Variants in AVEN observed in about 807,000 individuals in gnomAD.
AVEN encodes apoptosis and caspase activation inhibitor, also known as cell death regulator Aven.
A neutral mutation model predicts 38.1 loss-of-function variants in AVEN; 41 were observed. The ratio of observed to expected loss-of-function variants is 1.08; its 90% CI spans 0.84 to 1.40. AVEN has a LOEUF of 1.40. Among genes scored for constraint, AVEN ranks in the 40% most tolerant of loss-of-function variants. AVEN has a pLI of 0.00. For missense variants in AVEN, 605 were observed against 438.8 expected, an observed-to-expected ratio of 1.38 and a Z score of -3.38; for synonymous variants, 206 against 171.8, an observed-to-expected ratio of 1.20 and a Z score of -1.56.
chr15:34,058,001 G>C (rs1009399893), intron 5 of AVEN, among the ~76,000 whole-genome samples: 6 of 152,248 alleles, frequency 3.9e-5, no homozygotes, highest in African/African-American at 1.4e-4. Flanking sequence ...GATTGTAGGG[G>C]CTAGCAAATC....
chr15:33,932,241 G>C (rs545115890), intron 2 of AVEN, among the ~76,000 whole-genome samples: 3 of 152,234 alleles, frequency 2.0e-5, no homozygotes, highest in African/African-American at 7.2e-5. Context: ...TACCCAATTT[G>C]GCAAGTTCAG....
At chr15:33,860,575 C>T (rs751731168) in intron 11 of AVEN, 1 of 1,520,960 alleles carries the variant, frequency 6.6e-7, no homozygotes, top group Non-Finnish European at 9.0e-7. Context: ...ATTGCTTTGT[C>T]TTTGTATTTA....
intron 2 of AVEN, among the ~76,000 whole-genome samples, chr15:33,916,856 G>C (rs60733106): frequency 0.025 from 3,755 of 152,030 alleles, 122 homozygotes; most frequent in African/African-American, 0.079. Flanking sequence ...AGTTCCATAG[G>C]GTTGGGGAGG....
chr15:33,921,613 G>A (rs1893397530), intron 2 of AVEN, among the ~76,000 whole-genome samples: 1 of 152,138 alleles, frequency 6.6e-6, no homozygotes, highest in African/African-American at 2.4e-5. Flanking sequence ...TGAGATGGTG[G>A]GATAAGATAT....
chr15:34,050,368 G>T (rs984932139), intron 5 of AVEN, among the ~76,000 whole-genome samples: 2 of 152,174 alleles, frequency 1.3e-5, no homozygotes, highest in African/African-American at 4.8e-5. Context: ...AATATGGAAA[G>T]AAAACCCGTT....
At chr15:33,898,787 G>C (rs117861394) in intron 2 of AVEN, among the ~76,000 whole-genome samples, 4,991 of 152,194 alleles carry the variant, frequency 0.033, 162 homozygotes, top group Non-Finnish European at 0.04. Context: ...TATGAAACAA[G>C]ACAAAAACAT....
chr15:33,919,169 C>A (rs1460855500), intron 2 of AVEN, among the ~76,000 whole-genome samples: 1 of 152,088 alleles, frequency 6.6e-6, no homozygotes, highest in Non-Finnish European at 1.5e-5. Flanking sequence ...GATCCACCCA[C>A]CTCGGCCTCC....
chr15:33,901,379 C>T (rs898815893), intron 2 of AVEN, among the ~76,000 whole-genome samples: 6 of 152,226 alleles, frequency 3.9e-5, no homozygotes, highest in African/African-American at 1.2e-4. Context: ...CACGTGCATA[C>T]ACACGCACAC....
chr15:33,946,532 G>A (rs533657091), intron 2 of AVEN, among the ~76,000 whole-genome samples: 40 of 152,292 alleles, frequency 2.6e-4, no homozygotes, highest in Non-Finnish European at 4.9e-4. Context: ...CTGCCCTCAT[G>A]GAACTTACAT....
intron 2 of AVEN, among the ~76,000 whole-genome samples, chr15:33,955,726 C>T (rs945450111): frequency 6.6e-6 from 1 of 152,146 alleles, no homozygotes; most frequent in African/African-American, 2.4e-5. Context: ...AAATTAAACA[C>T]TAATAGTTAA....
intron 2 of AVEN, among the ~76,000 whole-genome samples, chr15:33,961,812 C>CA (rs138076873): frequency 2.5e-4 from 18 of 71,962 alleles, no homozygotes; most frequent in Admixed American, 6.5e-4. Context: ...GACTCTGTCT[C>CA]AAAAAAAAAA....
At chr15:33,978,026 G>C (rs538309221) in intron 2 of AVEN, among the ~76,000 whole-genome samples, 2 of 140,340 alleles carry the variant, frequency 1.4e-5, no homozygotes, top group South Asian at 5.2e-4. Context: ...GGGAGGGAGG[G>C]ATGGAAGGAT....
At chr15:34,021,177 T>A (rs1898183622) in intron 1 of AVEN, among the ~76,000 whole-genome samples, 1 of 152,106 alleles carries the variant, frequency 6.6e-6, no homozygotes, top group Non-Finnish European at 1.5e-5. Flanking sequence ...TATGAAAAAA[T>A]TGCATCTTTT....
Position 33,867,699 on chromosome 15 carries a change from TG to T in AVEN, c.768del (p.Asp258ThrfsTer29). ...SVAAGCPVLLGKDNPSPGPSR... is the reference protein window; with the variant it reads ...SVAAGCPVLLXKDNPSPGPSR... The stretch of plus-strand genomic sequence containing the variant: ...GAAGGACCCGGGCTTGGGTTGTCTT[TG>T]CCCAGCAACACAGGGCAGCCAGCAG... On this transcript the variant is annotated frameshift_variant, in exon 5 of 6. Coordinates refer to ENST00000306730, the MANE Select transcript of AVEN (RefSeq NM_020371.3). LOFTEE classifies it high-confidence loss of function. The T allele has an allele frequency of 1.2e-6, 2 of 1,614,180 alleles. No individual in the cohort carries two copies. The highest frequency in any genetic ancestry group is 8.5e-7 in the Non-Finnish European group (1 of 1,180,028).
Position 33,877,075 on chromosome 15 carries a change from C to A in AVEN, c.446-1080G>T, listed in dbSNP as rs147015011. Among the ~76,000 whole-genome samples the A allele has an allele frequency of 7.9e-3, 1,196 of 152,200 alleles. 10 individuals are homozygous for A. Among genetic ancestry groups the A allele is most frequent in the Middle Eastern group, 0.014 (4 of 294 alleles). On this transcript the variant is annotated intron_variant, in intron 2 of 5. Coordinates refer to ENST00000306730, the MANE Select transcript of AVEN (RefSeq NM_020371.3). ...AGAAAAAGTTAAAGTCAAATACTTTCATTACTAAGCAAAGAAAGAACTTTA... is the reference window on the plus strand; with the variant it reads ...AGAAAAAGTTAAAGTCAAATACTTTAATTACTAAGCAAAGAAAGAACTTTA...
chr15:33,992,342 A>G (rs1350679501), intron 2 of AVEN, among the ~76,000 whole-genome samples: 1 of 151,816 alleles, frequency 6.6e-6, no homozygotes, highest in African/African-American at 2.4e-5. Flanking sequence ...GTGAGCCGAG[A>G]TTGCGCCACT....
intron 2 of AVEN, among the ~76,000 whole-genome samples, chr15:33,947,483 A>G (rs1049524891): frequency 3.9e-5 from 6 of 152,180 alleles, no homozygotes; most frequent in South Asian, 4.1e-4. Context: ...TCATCCCACC[A>G]TATAGGAGGC....
At chr15:33,959,010 G>A (rs1233527056) in intron 2 of AVEN, among the ~76,000 whole-genome samples, 2 of 152,072 alleles carry the variant, frequency 1.3e-5, no homozygotes, top group Non-Finnish European at 2.9e-5. Context: ...CTCAGACCTG[G>A]CACCACATCA....
chr15:33,997,326 A>C (rs1896976098), intron 2 of AVEN, among the ~76,000 whole-genome samples: 1 of 152,188 alleles, frequency 6.6e-6, no homozygotes, highest in Non-Finnish European at 1.5e-5. Flanking sequence ...CCACAAATCA[A>C]TAAGAAACAA....
Sources: gnomAD v4.1 joint callset for allele counts (sites outside exome capture counted in the v4.1 genomes callset) on GRCh38, gnomAD v4.1.1 for gene constraint, MANE v1.5 for transcripts, NCBI Gene and HGNC (gene_info 2026-07-23, HGNC 2026-07-21) for gene names.